Variants in ZSWIM5 observed in about 807,000 individuals in gnomAD.
ZSWIM5 encodes the protein zinc finger SWIM domain-containing protein 5.
In ZSWIM5, 55 loss-of-function variants were observed where a neutral mutation model predicts 119.6. That is an observed-to-expected ratio of 0.46 (90% CI 0.37 to 0.58). The LOEUF is 0.58. Among genes scored for constraint, ZSWIM5 ranks in the 20% least tolerant of loss-of-function variants. ZSWIM5 has a pLI of 0.00. For synonymous variants in ZSWIM5, 537 were observed against 606.9 expected, an observed-to-expected ratio of 0.88 and a Z score of 1.69; for missense variants, 1,193 against 1,512.8, an observed-to-expected ratio of 0.79 and a Z score of 3.51.
intron 1 of ZSWIM5, among the ~76,000 whole-genome samples, chr1:45,135,039 A>G (rs1645680860): frequency 6.6e-6 from 1 of 152,088 alleles, no homozygotes; most frequent in Non-Finnish European, 1.5e-5. Context: ...TGCTACAATG[A>G]ACATGGGATT....
intron 2 of ZSWIM5, among the ~76,000 whole-genome samples, chr1:45,060,797 C>T (rs956454847): frequency 6.6e-5 from 10 of 152,160 alleles, no homozygotes; most frequent in African/African-American, 2.4e-4. Flanking sequence ...ACCTCAGCCT[C>T]CCAAGTAGGT....
intron 1 of ZSWIM5, among the ~76,000 whole-genome samples, chr1:45,115,247 G>A (rs1437485926): frequency 6.7e-6 from 1 of 148,564 alleles, no homozygotes; most frequent in African/African-American, 2.5e-5. Flanking sequence ...CCACCTCCCG[G>A]GCGAGGTGGC....
chr1:45,135,202 T>C (rs1277122413), intron 1 of ZSWIM5, among the ~76,000 whole-genome samples: 3 of 151,696 alleles, frequency 2.0e-5, no homozygotes, highest in Admixed American at 6.6e-5. Context: ...TCACAGTGCA[T>C]GTGGGTTCCA....
At chr1:45,027,165 G>A (rs760489789) in intron 11 of ZSWIM5, among the ~76,000 whole-genome samples, 2 of 151,350 alleles carry the variant, frequency 1.3e-5, no homozygotes. Flanking sequence ...CAAAGAACCG[G>A]TCTTGCTTTT....
rs1645343462 is a variant in ZSWIM5, at chr1:45,088,219, G to A, written c.614C>T (p.Thr205Ile). The A allele has an allele frequency of 6.2e-7, 1 of 1,603,598 alleles. No individual in the cohort carries two copies. Among genetic ancestry groups the A allele is most frequent in the South Asian group, 1.1e-5 (1 of 89,674 alleles). The change falls in exon 2 of 14, where the codon ACA becomes ATA. Residue 205 changes from threonine (T) to isoleucine (I), a missense_variant. This residue lies in a region of ZSWIM5 where 961 missense variants were observed against 1,290.0 expected (regional missense o/e 0.74). Coordinates refer to ENST00000359600, the MANE Select transcript of ZSWIM5 (RefSeq NM_020883.2). This position sits in a 1 kb window ranked among gnomAD's most constrained non-coding sequence, Gnocchi z 4.2. ...VLQVGFHLSGTVTELATASEP... is the reference protein window; with the variant it reads ...VLQVGFHLSGIVTELATASEP... ...AGAGGCAGTGGCCAGCTCAGTTACT[G>A]TGCCACTCAGATGAAAGCCTAAGGA...
chr1:45,112,166 C>A (rs12033111), intron 1 of ZSWIM5, among the ~76,000 whole-genome samples: 44,773 of 152,098 alleles, frequency 0.29, 8,471 homozygotes, highest in Middle Eastern at 0.5. Context: ...ATGGCCCTGG[C>A]TCCCTGTTCC....
rs548943162 is a variant in ZSWIM5 at position 45,172,217 on chromosome 1, G to A, written c.595+33539C>T. ...CTAAACAAACATGATTCTGGTTGGCGGCTTCCCTATACTTTGTTTTGACCG... is the reference window on the plus strand; with the variant it reads ...CTAAACAAACATGATTCTGGTTGGCAGCTTCCCTATACTTTGTTTTGACCG... On this transcript the variant is annotated intron_variant, in intron 1 of 13. Transcript: ENST00000359600. 2.0e-4 allele frequency among the ~76,000 whole-genome samples: 30 copies of A among 152,132 alleles called. 2 individuals carry two copies. In the South Asian group the frequency reaches 3.3e-3, roughly 17 times the overall value.
intron 1 of ZSWIM5, among the ~76,000 whole-genome samples, chr1:45,184,069 C>T (rs928514965): frequency 6.6e-5 from 10 of 152,116 alleles, no homozygotes; most frequent in African/African-American, 1.9e-4. Context: ...TGGGCTTCAT[C>T]CCTGGGATGC....
chr1:45,058,457 G>A, intron 4 of ZSWIM5, 152 bp downstream of exon 4: 3 of 824,366 alleles, frequency 3.6e-6, no homozygotes, highest in South Asian at 3.6e-5. Context: ...AGTGAGTTCA[G>A]TGTTACTCTG....
chr1:45,193,600 C>T (rs967829087), intron 1 of ZSWIM5, among the ~76,000 whole-genome samples: 3 of 151,934 alleles, frequency 2.0e-5, no homozygotes, highest in Admixed American at 1.3e-4. Context: ...AGGTCACTAG[C>T]GACCTTTAAG....
Position 45,058,694 on chromosome 1 carries a change from C to T in ZSWIM5, c.1167G>A (p.Gln389=). ...GTGTGAGTCGTGGGTCAGCCACAAA[C>T]TGCTCAGTTATTAGTGTCAGCATCC... The part of the protein sequence containing the change: ...GARMLTLITE[Q]FVADPRLTLW... The change falls in exon 4 of 14, where the codon CAG becomes CAA. Residue 389 remains glutamine (Q), a synonymous_variant. Coordinates refer to ENST00000359600, the MANE Select transcript of ZSWIM5 (RefSeq NM_020883.2). 2.5e-6 allele frequency: 4 copies of T among 1,614,230 alleles called. No individual in the cohort carries two copies. In the South Asian group the frequency reaches 4.4e-5, roughly 18 times the overall value.
chr1:45,193,634 G>A (rs1038306875), intron 1 of ZSWIM5, among the ~76,000 whole-genome samples: 5 of 152,084 alleles, frequency 3.3e-5, no homozygotes, highest in African/African-American at 4.8e-5. Flanking sequence ...TTTAGTGAAT[G>A]AAAGCATAAG....
At chr1:45,176,593 T>C (rs1373630257) in intron 1 of ZSWIM5, among the ~76,000 whole-genome samples, 2 of 152,118 alleles carry the variant, frequency 1.3e-5, no homozygotes, top group East Asian at 1.9e-4. Context: ...CTTTTTCTGA[T>C]AGTGAGAAAT....
At chr1:45,066,186 A>G (rs1396190271) in intron 2 of ZSWIM5, among the ~76,000 whole-genome samples, 4 of 152,014 alleles carry the variant, frequency 2.6e-5, no homozygotes, top group South Asian at 4.2e-4. Flanking sequence ...TACAAAGGAC[A>G]TGAACTCTTC....
intron 5 of ZSWIM5, among the ~76,000 whole-genome samples, chr1:45,048,656 T>C (rs1336703162): frequency 6.6e-6 from 1 of 152,024 alleles, no homozygotes; most frequent in Non-Finnish European, 1.5e-5. Flanking sequence ...ATGCATGAAA[T>C]TGAGATTATG....
intron 1 of ZSWIM5, among the ~76,000 whole-genome samples, chr1:45,152,226 C>G (rs1176306897): frequency 2.6e-5 from 4 of 151,954 alleles, no homozygotes; most frequent in African/African-American, 9.7e-5. Context: ...TATTTCTTTT[C>G]AGAAAGATCT....
intron 1 of ZSWIM5, among the ~76,000 whole-genome samples, chr1:45,132,598 G>A (rs969649603): frequency 3.3e-5 from 5 of 151,808 alleles, no homozygotes; most frequent in South Asian, 4.1e-4. Flanking sequence ...ATGTGCCTAC[G>A]GGAAAATAAT....
chr1:45,124,072 A>T (rs1228901897), intron 1 of ZSWIM5, among the ~76,000 whole-genome samples: 1 of 152,196 alleles, frequency 6.6e-6, no homozygotes, highest in Non-Finnish European at 1.5e-5. Context: ...CAAGACATTA[A>T]AACAAATCTG....
chr1:45,165,796 A>G (rs529235269), intron 1 of ZSWIM5, among the ~76,000 whole-genome samples: 1 of 152,266 alleles, frequency 6.6e-6, no homozygotes, highest in South Asian at 2.1e-4. Context: ...ATAGACCAAT[A>G]ACAGGCTCTG....
Sources: gnomAD v4.1 joint callset for allele counts (sites outside exome capture counted in the v4.1 genomes callset) on GRCh38, gnomAD v4.1.1 for gene constraint, gnomAD v4.1.1 regional missense constraint, Gnocchi (gnomAD v3.1) non-coding constraint, MANE v1.5 for transcripts, NCBI Gene and HGNC (gene_info 2026-07-23, HGNC 2026-07-21) for gene names.